The following CDK14 variants were observed in gnomAD, a reference collection of about 807,000 sequenced individuals.
CDK14 encodes cyclin dependent kinase 14.
Under a neutral mutation model 60.7 loss-of-function variants are expected in CDK14, and 34 were observed. That is an observed-to-expected ratio of 0.56 (90% CI 0.43 to 0.75). The LOEUF (loss-of-function observed/expected upper bound fraction) is 0.75, where lower values mean the gene tolerates loss of function less well. CDK14 is among the 30% of genes least tolerant of loss of function. CDK14 has a pLI of 0.00. For missense variants in CDK14, 482 were observed against 564.1 expected, an observed-to-expected ratio of 0.85 and a Z score of 1.47; for synonymous variants, 197 against 203.7, an observed-to-expected ratio of 0.97 and a Z score of 0.28.
intron 5 of CDK14, among the ~76,000 whole-genome samples, chr7:90,807,364 G>T (rs1788893779): frequency 1.3e-5 from 2 of 152,222 alleles, no homozygotes; most frequent in South Asian, 4.1e-4. Flanking sequence ...CAGGTCTGGA[G>T]TGGACCTCCA....
At chr7:91,157,033 CAGAG>C (rs1309878622) in intron 14 of CDK14, among the ~76,000 whole-genome samples, 1 of 152,034 alleles carries the variant, frequency 6.6e-6, no homozygotes, top group Non-Finnish European at 1.5e-5. Flanking sequence ...CTTAAGTGCT[CAGAG>C]AGATTTCAAA....
chr7:91,176,233 CATAA>C (rs748391673), intron 14 of CDK14, among the ~76,000 whole-genome samples: 5 of 152,130 alleles, frequency 3.3e-5, no homozygotes, highest in Non-Finnish European at 7.4e-5. Context: ...GAAATGAAGG[CATAA>C]ATAAAGATGT....
intron 8 of CDK14, among the ~76,000 whole-genome samples, chr7:90,948,133 GA>G (rs776339219): frequency 6.6e-6 from 1 of 152,088 alleles, no homozygotes; most frequent in Non-Finnish European, 1.5e-5. Context: ...TTTAATTTTT[GA>G]AAATTGGTAA....
chr7:91,121,693 T>G (rs536045573), intron 14 of CDK14, among the ~76,000 whole-genome samples: 1 of 152,322 alleles, frequency 6.6e-6, no homozygotes, highest in South Asian at 2.1e-4. Flanking sequence ...ATGGGATAGG[T>G]GCCACTGGAT....
chr7:91,015,066 G>T (rs1171978941), intron 10 of CDK14, among the ~76,000 whole-genome samples: 2 of 152,092 alleles, frequency 1.3e-5, no homozygotes, highest in Non-Finnish European at 2.9e-5. Context: ...AATATTCTGT[G>T]TAATGTGTCA....
At chr7:90,928,994 G>A (rs1793508090) in intron 8 of CDK14, among the ~76,000 whole-genome samples, 3 of 152,222 alleles carry the variant, frequency 2.0e-5, no homozygotes, top group South Asian at 2.1e-4. Flanking sequence ...AGTGAGCAAG[G>A]CTCTGTGGGC....
At chr7:90,786,658 C>T (rs1299826836) in intron 4 of CDK14, among the ~76,000 whole-genome samples, 1 of 152,040 alleles carries the variant, frequency 6.6e-6, no homozygotes, top group African/African-American at 2.4e-5. Context: ...TGGTTCACAC[C>T]TTAATCCCAG....
At chr7:90,716,785 A>C (rs1161521581) in intron 2 of CDK14, among the ~76,000 whole-genome samples, 2 of 152,088 alleles carry the variant, frequency 1.3e-5, no homozygotes, top group African/African-American at 4.8e-5. Context: ...GACTGAAACA[A>C]ATTTTCCCTC....
At chr7:90,856,854 T>C (rs533969015) in intron 5 of CDK14, among the ~76,000 whole-genome samples, 4 of 152,212 alleles carry the variant, frequency 2.6e-5, no homozygotes, top group East Asian at 1.9e-4. Flanking sequence ...GCTTGAGATA[T>C]AGTTGGGTCC....
intron 2 of CDK14, among the ~76,000 whole-genome samples, chr7:90,673,147 C>A (rs948620570): frequency 6.6e-6 from 1 of 152,178 alleles, no homozygotes; most frequent in Non-Finnish European, 1.5e-5. Flanking sequence ...ATACACAGTT[C>A]TCACATTCTT....
intron 14 of CDK14, among the ~76,000 whole-genome samples, chr7:91,123,220 A>G (rs1799836799): frequency 6.6e-6 from 1 of 152,210 alleles, no homozygotes; most frequent in Non-Finnish European, 1.5e-5. Flanking sequence ...ACTTTTCAAT[A>G]TATAAGAAAC....
chr7:91,172,522 C>T (rs1054324606), intron 14 of CDK14, among the ~76,000 whole-genome samples: 2 of 152,184 alleles, frequency 1.3e-5, no homozygotes, highest in African/African-American at 4.8e-5. Context: ...TTCCAAAACT[C>T]CAAATCTAAG....
intron 10 of CDK14, among the ~76,000 whole-genome samples, chr7:91,013,670 T>C (rs1485215021): frequency 1.3e-5 from 2 of 150,324 alleles, no homozygotes; most frequent in East Asian, 3.9e-4. Flanking sequence ...TTTTTTTTTT[T>C]TTTTTCTTTT....
rs79282320 is a variant in CDK14 at position 90,866,503 on chromosome 7, A to G, written c.639+3234A>G. On this transcript the variant is annotated intron_variant, in intron 6 of 14. Transcript: ENST00000380050. ...CCCCATGCCCATTAAAACCCTGGAT[A>G]TGACGGGAAAGTAAAATAATTTAAG... is the stretch of plus-strand genomic sequence containing the variant. Among the ~76,000 whole-genome samples the G allele has an allele frequency of 4.0e-3, 606 of 152,266 alleles. 4 individuals are homozygous for G. The highest frequency in any genetic ancestry group is 0.014 in the African/African-American group (562 of 41,556).
In CDK14 at chr7:90,606,268, G is replaced by T. The variant is rs6978635; in HGVS notation, c.123+2019G>T. Among the ~76,000 whole-genome samples the T allele has an allele frequency of 3.3e-5, 5 of 152,162 alleles. No homozygotes were observed. In the East Asian group the frequency reaches 7.7e-4, roughly 23 times the overall value. Reference sequence around the variant, plus strand: ...ATAGTGGTAATGAAGGCATGCCGGGGTATAATCCCCAATTCAACTACCCTC... The same window carrying T: ...ATAGTGGTAATGAAGGCATGCCGGGTTATAATCCCCAATTCAACTACCCTC... On this transcript the variant is annotated intron_variant, in intron 2 of 14. Coordinates refer to ENST00000380050, the MANE Select transcript of CDK14 (RefSeq NM_001287135.2).
At chr7:90,982,970 A>G (rs1795270771) in intron 9 of CDK14, among the ~76,000 whole-genome samples, 1 of 152,224 alleles carries the variant, frequency 6.6e-6, no homozygotes, top group Non-Finnish European at 1.5e-5. Flanking sequence ...ACTAATCATC[A>G]GAGAAATGCA....
intron 5 of CDK14, among the ~76,000 whole-genome samples, chr7:90,832,599 T>C (rs564772459): frequency 1.3e-5 from 2 of 152,324 alleles, no homozygotes; most frequent in East Asian, 3.9e-4. Context: ...TTACATAAGT[T>C]TGAATTTTTA....
intron 2 of CDK14, among the ~76,000 whole-genome samples, chr7:90,647,166 T>G (rs1053773435): frequency 4.3e-4 from 65 of 152,214 alleles, no homozygotes; most frequent in Non-Finnish European, 9.3e-4. Flanking sequence ...CTTTCAACAC[T>G]TAGTTATACC....
At chr7:91,167,546 C>T (rs1247563120) in intron 14 of CDK14, among the ~76,000 whole-genome samples, 1 of 152,194 alleles carries the variant, frequency 6.6e-6, no homozygotes, top group African/African-American at 2.4e-5. Flanking sequence ...AGGGTCATGG[C>T]TCCAACGTGA....
Sources: allele counts gnomAD v4.1 joint callset (sites outside exome capture counted in the v4.1 genomes callset), GRCh38; gene constraint gnomAD v4.1.1; transcripts MANE v1.5; gene names NCBI Gene and HGNC (gene_info 2026-07-23, HGNC 2026-07-21).